The following SYT11 variants were observed in gnomAD, a reference collection of about 807,000 sequenced individuals.
SYT11 encodes the protein synaptotagmin 11.
SYT11 carries 12 observed loss-of-function variants against 30.4 expected under a neutral mutation model. That is an observed-to-expected ratio of 0.39 (90% CI 0.25 to 0.64). The LOEUF is 0.64. SYT11 is among the 30% of genes least tolerant of loss of function. SYT11 has a pLI of 0.45. For synonymous variants in SYT11, 204 were observed against 216.0 expected, an observed-to-expected ratio of 0.94 and a Z score of 0.49; for missense variants, 412 against 552.0, an observed-to-expected ratio of 0.75 and a Z score of 2.54.
intron 1 of SYT11, among the ~76,000 whole-genome samples, chr1:155,861,248 C>G (rs1287706315): frequency 6.6e-6 from 1 of 152,222 alleles, no homozygotes; most frequent in Admixed American, 6.5e-5. Flanking sequence ...CCTTCCGCAT[C>G]TTTATTCTTT....
Position 155,882,235 on chromosome 1 carries a change from GCTT to G in SYT11, c.*731_*733del, listed in dbSNP as rs1284951290. 1.3e-5 allele frequency: 2 copies of G among 152,200 alleles called. No individual in the cohort carries two copies. Among genetic ancestry groups the G allele is most frequent in the African/African-American group, 4.8e-5 (2 of 41,400 alleles). 9.4% of individuals were successfully genotyped at this position (152,200 alleles called of 1,614,324 possible). A position where few individuals can be genotyped will look rare whatever the true frequency, so the allele number is the denominator to read the frequency against. ...TGTATTTGCTGATTACCTGAAATTG[GCTT>G]CTTTTTATTGGGCTTCTCTGGAGAA... On this transcript the variant is annotated 3_prime_UTR_variant, in exon 4 of 4. Coordinates refer to ENST00000368324, the MANE Select transcript of SYT11 (RefSeq NM_152280.5).
Position 155,881,553 on chromosome 1 carries a change from G to A in SYT11, c.*45G>A. ...AATCCCCGGGGGCCAAGCTGGGGAG[G>A]GATGTGGAGGGGAAAAAGATGACAG... On this transcript the variant is annotated 3_prime_UTR_variant, in exon 4 of 4. Transcript: ENST00000368324. 6.6e-7 allele frequency: 1 copy of A among 1,508,772 alleles called. No individual in the cohort carries two copies. Among genetic ancestry groups the A allele is most frequent in the Non-Finnish European group, 8.9e-7 (1 of 1,119,288 alleles). 93.5% of individuals were successfully genotyped at this position (1,508,772 alleles called of 1,614,324 possible).
In SYT11 at chr1:155,881,584, T is replaced by C. The variant is rs1385000881; in HGVS notation, c.*76T>C. The C allele has an allele frequency of 3.6e-6, 5 of 1,401,528 alleles. No individual in the cohort carries two copies. Among genetic ancestry groups the C allele is most frequent in the Admixed American group, 5.0e-5 (2 of 39,894 alleles). 86.8% of individuals were successfully genotyped at this position (1,401,528 alleles called of 1,614,324 possible). The stretch of plus-strand genomic sequence containing the variant: ...GGAGGGGAAAAAGATGACAGAGAAG[T>C]GGACTCCAAACCTCATTTTAGTTGT... On this transcript the variant is annotated 3_prime_UTR_variant, in exon 4 of 4. Transcript: ENST00000368324.
At chr1:155,871,943 GA>G (rs1168107112) in intron 2 of SYT11, among the ~76,000 whole-genome samples, 1 of 152,154 alleles carries the variant, frequency 6.6e-6, no homozygotes, top group Non-Finnish European at 1.5e-5. Context: ...TCTCCTTGGT[GA>G]ACGTCAGCTA....
At chr1:155,874,634 T>TA (rs1399160372) in intron 2 of SYT11, among the ~76,000 whole-genome samples, 1 of 150,368 alleles carries the variant, frequency 6.7e-6, no homozygotes, top group Non-Finnish European at 1.5e-5. Context: ...CTGACGCCTG[T>TA]AATCCCAGCA....
chr1:155,859,700 G>A lies in SYT11; in HGVS notation c.-62G>A, dbSNP rs1456577455. ...TACAGCTGCTGCCTCGGTACTGACC[G>A]AGGGTTCCCAGAGCTGTCTCACCAT... On this transcript the variant is annotated 5_prime_UTR_variant, in exon 1 of 4. Coordinates refer to ENST00000368324, the MANE Select transcript of SYT11 (RefSeq NM_152280.5). 32 of 1,546,304 alleles carry A rather than the reference G, an allele frequency of 2.1e-5. No homozygotes were observed. The highest frequency in any genetic ancestry group is 2.7e-5 in the Non-Finnish European group (30 of 1,118,678).
Position 155,859,794 on chromosome 1 carries a change from TG to T in SYT11, c.34+1del. 6.2e-7 allele frequency: 1 copy of T among 1,614,076 alleles called. No homozygotes were observed. Among genetic ancestry groups the T allele is most frequent in the Non-Finnish European group, 8.5e-7 (1 of 1,179,934 alleles). Reference sequence around the variant, plus strand: ...AGATCACCAATATCCGACCTAGCTTTGGTAAGTAGACTCGGGAAAACTAAGC... The same window carrying T: ...AGATCACCAATATCCGACCTAGCTTTGTAAGTAGACTCGGGAAAACTAAGC... ...AEITNIRPSFDVSPVVAGLIG... is the reference protein window; with the variant it reads ...AEITNIRPSFXVSPVVAGLIG... On this transcript the variant is annotated frameshift_variant and splice_region_variant, in exon 1 of 4. Coordinates refer to ENST00000368324, the MANE Select transcript of SYT11 (RefSeq NM_152280.5). LOFTEE classifies it high-confidence loss of function.
rs963362567 is a variant in SYT11 at position 155,881,782 on chromosome 1, G to A, written c.*274G>A. ...TCGCTCTTGTTGCCCGGGCTGGAGT[G>A]CAATGGTGAGATCTCAACTCACTGC... On this transcript the variant is annotated 3_prime_UTR_variant, in exon 4 of 4. Coordinates refer to ENST00000368324, the MANE Select transcript of SYT11 (RefSeq NM_152280.5). 3 of 251,084 alleles carry A rather than the reference G, an allele frequency of 1.2e-5. No homozygotes were observed. The highest frequency in any genetic ancestry group is 8.6e-5 in the East Asian group (1 of 11,604). 15.6% of individuals were successfully genotyped at this position (251,084 alleles called of 1,614,324 possible).
At chr1:155,866,387 G>A (rs775018699) in intron 1 of SYT11, among the ~76,000 whole-genome samples, 82 of 152,306 alleles carry the variant, frequency 5.4e-4, no homozygotes, top group Non-Finnish European at 1.0e-3. Flanking sequence ...AAAGTGCTGG[G>A]ATAACAGGCG....
At chr1:155,877,782 T>G (rs1036251148) in intron 2 of SYT11, among the ~76,000 whole-genome samples, 7 of 152,004 alleles carry the variant, frequency 4.6e-5, no homozygotes, top group Non-Finnish European at 8.8e-5. Flanking sequence ...GGTCTCGATC[T>G]CCTGAACTCG....
intron 1 of SYT11, 44 bp from the exon 2 acceptor site, chr1:155,867,921 G>A (rs1270156408): frequency 8.9e-6 from 13 of 1,466,270 alleles, no homozygotes; most frequent in Middle Eastern, 2.4e-4. Context: ...TAGACAGGAG[G>A]TGAAGTCCAC....
Position 155,868,026 on chromosome 1 carries a change from G to T in SYT11, c.96G>T (p.Val32=). ...CTGTGCTGGTGGTGTGTGTCTCGGT[G>T]ACCGTCTTTGTCTGGTCATGCTGCC... ...GASVLVVCVS[V]TVFVWSCCHQ... Residue 32 remains valine, a synonymous_variant, in exon 2 of 4, where the codon GTG becomes GTT. Transcript: ENST00000368324. The surrounding 1 kb of genome is among the most constrained non-coding windows in gnomAD (Gnocchi z 4.7). 3 of 1,613,556 alleles carry T rather than the reference G, an allele frequency of 1.9e-6. No individual in the cohort carries two copies. Among genetic ancestry groups the T allele is most frequent in the Non-Finnish European group, 2.5e-6 (3 of 1,179,866 alleles).
intron 2 of SYT11, among the ~76,000 whole-genome samples, chr1:155,878,909 T>A (rs2885494): frequency 0.017 from 2,589 of 151,252 alleles, 59 homozygotes; most frequent in East Asian, 0.06. Context: ...ATTAATTAAT[T>A]AATTAATTAA....
intron 2 of SYT11, among the ~76,000 whole-genome samples, chr1:155,877,396 G>A (rs1030593659): frequency 4.6e-5 from 7 of 151,582 alleles, no homozygotes; most frequent in Non-Finnish European, 8.8e-5. Context: ...GAGCCACTGC[G>A]CCCAGCCACA....
intron 2 of SYT11, 26 bp from the exon 3 acceptor site, chr1:155,880,474 T>C (rs761457511): frequency 6.2e-7 from 1 of 1,612,578 alleles, no homozygotes; most frequent in Non-Finnish European, 8.5e-7. Context: ...CTGCCAGGAT[T>C]CTCACCTGCC....
Position 155,868,343 on chromosome 1 carries a change from G to T in SYT11, c.413G>T (p.Ser138Ile), listed in dbSNP as rs769504181. 9.3e-6 allele frequency: 15 copies of T among 1,613,882 alleles called. No individual in the cohort carries two copies. Among genetic ancestry groups the T allele is most frequent in the Admixed American group, 3.3e-5 (2 of 59,992 alleles). Residue 138 changes from serine (S) to isoleucine (I), a missense_variant, in exon 2 of 4, where the codon AGC becomes ATC. By Grantham distance (142) the Ser-to-Ile change is moderately radical. Coordinates refer to ENST00000368324, the MANE Select transcript of SYT11 (RefSeq NM_152280.5). This position sits in a 1 kb window ranked among gnomAD's most constrained non-coding sequence, Gnocchi z 4.7. Reference protein sequence around the residue: ...YGEELRSPITSLTPGESKTTS... With the variant: ...YGEELRSPITILTPGESKTTS... Reference sequence around the variant, plus strand: ...GAAGAACTAAGGAGCCCTATTACAAGCCTGACCCCTGGGGAGAGCAAAACC... The same window carrying T: ...GAAGAACTAAGGAGCCCTATTACAATCCTGACCCCTGGGGAGAGCAAAACC...
chr1:155,878,901 T>TA (rs1241674117), intron 2 of SYT11, among the ~76,000 whole-genome samples: 82 of 147,604 alleles, frequency 5.6e-4, no homozygotes, highest in Non-Finnish European at 1.0e-3. Flanking sequence ...ATAAATAAAT[T>TA]AATTAATTAA....
chr1:155,868,164 G>T lies in SYT11; in HGVS notation c.234G>T (p.Val78=). ...GCAACAAGAAGAAAATCATCAAAGTGCGGAGAGACAAAGATGGTCCTGGGA... is the reference window on the plus strand; with the variant it reads ...GCAACAAGAAGAAAATCATCAAAGTTCGGAGAGACAAAGATGGTCCTGGGA... ...TLSNKKKIIK[V]RRDKDGPGRE... The change falls in exon 2 of 4, where the codon GTG becomes GTT. Residue 78 remains valine, a synonymous_variant. Transcript: ENST00000368324. The surrounding 1 kb of genome is among the most constrained non-coding windows in gnomAD (Gnocchi z 4.7). 1 of 1,614,172 alleles carries T rather than the reference G, an allele frequency of 6.2e-7. No homozygotes were observed. The highest frequency in any genetic ancestry group is 1.3e-5 in the African/African-American group (1 of 75,032).
At chr1:155,871,787 ATTT>A (rs1218962047) in intron 2 of SYT11, among the ~76,000 whole-genome samples, 3 of 151,756 alleles carry the variant, frequency 2.0e-5, no homozygotes, top group African/African-American at 7.3e-5. Flanking sequence ...TCCTAAACCC[ATTT>A]TCCCAACCAG....
Sources: gnomAD v4.1 joint callset for allele counts (sites outside exome capture counted in the v4.1 genomes callset) on GRCh38, gnomAD v4.1.1 for gene constraint, Gnocchi (gnomAD v3.1) non-coding constraint, MANE v1.5 for transcripts, NCBI Gene and HGNC (gene_info 2026-07-23, HGNC 2026-07-21) for gene names.